The following GGT7 variants were observed in gnomAD, a reference collection of about 807,000 sequenced individuals.
GGT7 encodes the protein gamma-glutamyltransferase 7.
A neutral mutation model predicts 69.2 loss-of-function variants in GGT7; 30 were observed. The observed-to-expected ratio is 0.43, with a 90% CI of 0.32 to 0.59. The LOEUF (loss-of-function observed/expected upper bound fraction) is 0.59. Among genes scored for constraint, GGT7 ranks in the 20% least tolerant of loss-of-function variants. GGT7 has a pLI of 0.05. For synonymous variants in GGT7, 388 were observed against 391.8 expected (o/e 0.99, Z 0.12); for missense variants, 733 against 901.1 (o/e 0.81, Z 2.39).
At chr20:34,856,973 A>G (rs1278822295) in intron 7 of GGT7, 80 bp from the exon 8 acceptor site, 12 of 858,104 alleles carry the variant, frequency 1.4e-5, no homozygotes, top group Admixed American at 9.7e-5. Context: ...TGGATCACAG[A>G]CAGATCAGCT....
chr20:34,855,814 T>TGA (rs147295104), intron 8 of GGT7, among the ~76,000 whole-genome samples: 90 of 144,540 alleles, frequency 6.2e-4, no homozygotes, highest in East Asian at 1.2e-3. Flanking sequence ...TGTGTGTGTG[T>TGA]GATAATGGTC....
chr20:34,859,856 G>A, intron 6 of GGT7, 113 bp downstream of exon 6: 2 of 859,148 alleles, frequency 2.3e-6, no homozygotes, highest in South Asian at 3.1e-5. Flanking sequence ...TGGGGAGGGG[G>A]TCTGAGGAGC....
chr20:34,871,310 G>C (rs555470954), intron 1 of GGT7, among the ~76,000 whole-genome samples: 1 of 152,304 alleles, frequency 6.6e-6, no homozygotes, highest in South Asian at 2.1e-4. Flanking sequence ...GCCCAGGACA[G>C]GGTAGGTGTG....
rs371682209 is a variant in GGT7, at chr20:34,858,997, C to T, written c.1014+446G>A. Among the ~76,000 whole-genome samples the T allele has an allele frequency of 2.0e-5, 3 of 152,140 alleles. No individual in the cohort carries two copies. The East Asian group carries it at 5.8e-4, about 29-fold the overall frequency. ...ACCAGCCTGGCCAACATGGTGAAACCTCATCTCTACTAAAAATACAAAATT... is the reference window on the plus strand; with the variant it reads ...ACCAGCCTGGCCAACATGGTGAAACTTCATCTCTACTAAAAATACAAAATT... On this transcript the variant is annotated intron_variant, in intron 7 of 14. Coordinates refer to ENST00000336431, the MANE Select transcript of GGT7 (RefSeq NM_178026.3).
chr20:34,850,922 G>A (rs779211943), intron 13 of GGT7: 9 of 655,408 alleles, frequency 1.4e-5, no homozygotes, highest in Non-Finnish European at 2.0e-5. Flanking sequence ...CAGATGCTGG[G>A]TAGAGGTATA....
At chr20:34,871,282 C>G (rs533722687) in intron 1 of GGT7, among the ~76,000 whole-genome samples, 1 of 152,114 alleles carries the variant, frequency 6.6e-6, no homozygotes, top group African/African-American at 2.4e-5. Flanking sequence ...CTCTGTTGAG[C>G]TGGAAGAGGA....
At chr20:34,859,097 G>A (rs2079540093) in intron 7 of GGT7, among the ~76,000 whole-genome samples, 1 of 152,006 alleles carries the variant, frequency 6.6e-6, no homozygotes, top group African/African-American at 2.4e-5. Context: ...TTGAACCTGG[G>A]AGGCGGAGGT....
chr20:34,848,623 G>A (rs1568927739), intron 14 of GGT7, among the ~76,000 whole-genome samples: 3 of 152,194 alleles, frequency 2.0e-5, no homozygotes, highest in African/African-American at 7.2e-5. Context: ...GTTGAAGATC[G>A]CGGTCTCTGC....
chr20:34,872,542 T>A, intron 1 of GGT7, 105 bp downstream of exon 1: 1 of 730,202 alleles, frequency 1.4e-6, no homozygotes, highest in Non-Finnish European at 2.0e-6. Context: ...TCCAAGAAGA[T>A]GGGGATGAAT....
At chr20:34,868,219 A>G (rs1274596867) in intron 1 of GGT7, among the ~76,000 whole-genome samples, 1 of 152,208 alleles carries the variant, frequency 6.6e-6, no homozygotes, top group Non-Finnish European at 1.5e-5. Flanking sequence ...CCAGGAGGTA[A>G]AGGTGACATG....
Position 34,863,315 on chromosome 20 carries a change from G to T in GGT7, c.403C>A (p.Gln135Lys). The T allele has an allele frequency of 6.2e-7, 1 of 1,605,470 alleles. No individual in the cohort carries two copies. Among genetic ancestry groups the T allele is most frequent in the South Asian group, 1.1e-5 (1 of 90,694 alleles). ...CCCTCCCCATTTGTCCCCCTCACCT[G>T]GGGGTCCCCGAAGTAGATCTGCATG... ...LVMQIYFGDP[Q>K]IFQQGAVVTD... Residue 135 changes from glutamine to lysine, a missense_variant and splice_region_variant, in exon 2 of 15, where the codon CAG becomes AAG. Coordinates refer to ENST00000336431, the MANE Select transcript of GGT7 (RefSeq NM_178026.3). This position sits in a 1 kb window ranked among gnomAD's most constrained non-coding sequence, Gnocchi z 4.4.
intron 12 of GGT7, among the ~76,000 whole-genome samples, 200 bp downstream of exon 12, chr20:34,851,955 C>A (rs1280306973): frequency 6.6e-6 from 1 of 152,250 alleles, no homozygotes; most frequent in Admixed American, 6.5e-5. Context: ...AAGACAGTGA[C>A]AGAATGGGAC....
chr20:34,852,321 A>C, intron 11 of GGT7, 49 bp from the exon 12 acceptor site: 1 of 1,549,836 alleles, frequency 6.5e-7, no homozygotes, highest in Non-Finnish European at 8.9e-7. Flanking sequence ...CCTCACCTCT[A>C]CCCAGCCCCC....
chr20:34,863,220 C>T lies in GGT7; in HGVS notation c.405+93G>A. On this transcript the variant is annotated intron_variant, in intron 2 of 14. Transcript: ENST00000336431. The surrounding 1 kb of genome is among the most constrained non-coding windows in gnomAD (Gnocchi z 4.4). The stretch of plus-strand genomic sequence containing the variant: ...AGTCACCACCCTCTCTCCCCTTCTA[C>T]CACTCAGCCATTCCCCAGTTTCCAC... 1 of 995,528 alleles carries T rather than the reference C, an allele frequency of 1.0e-6. No homozygotes were observed. Among genetic ancestry groups the T allele is most frequent in the South Asian group, 1.6e-5 (1 of 63,786 alleles). The allele number at this position is 995,528 out of a possible 1,614,324, so 61.7% of individuals were successfully genotyped here.
intron 12 of GGT7, 50 bp downstream of exon 12, chr20:34,852,105 C>T: frequency 9.1e-7 from 1 of 1,093,236 alleles, no homozygotes; most frequent in Non-Finnish European, 1.4e-6. Flanking sequence ...CATTGCACCT[C>T]CTACCTATAG....
At chr20:34,865,008 A>AACAGGGTTT (rs1435339002) in intron 1 of GGT7, among the ~76,000 whole-genome samples, 1 of 151,932 alleles carries the variant, frequency 6.6e-6, no homozygotes, top group African/African-American at 2.4e-5. Flanking sequence ...TTTTAGTAGA[A>AACAGGGTTT]ACAGGGTTTC....
chr20:34,856,754 G>T, intron 8 of GGT7, 52 bp downstream of exon 8: 2 of 1,012,984 alleles, frequency 2.0e-6, no homozygotes, highest in Admixed American at 1.9e-5. Flanking sequence ...TGTGGCCATG[G>T]ACTGGGAGGC....
Position 34,854,900 on chromosome 20 carries a change from G to T in GGT7, c.1126C>A (p.Pro376Thr). ...ATGAGGGCAGGGCCCGTGTGCGGAGGTGGGGGACTAAGAACCAGGTGGCCT... is the reference window on the plus strand; with the variant it reads ...ATGAGGGCAGGGCCCGTGTGCGGAGTTGGGGGACTAAGAACCAGGTGGCCT... ...YRGHLVLSPP[P>T]PHTGPALISA... The change falls in exon 9 of 15, where the codon CCT (proline) becomes ACT (threonine). Residue 376 changes from proline to threonine, a missense_variant. Coordinates refer to ENST00000336431, the MANE Select transcript of GGT7 (RefSeq NM_178026.3). 6.2e-7 allele frequency: 1 copy of T among 1,613,916 alleles called. No homozygotes were observed. Among genetic ancestry groups the T allele is most frequent in the Non-Finnish European group, 8.5e-7 (1 of 1,179,934 alleles).
chr20:34,849,354 G>C (rs143914617), intron 14 of GGT7, among the ~76,000 whole-genome samples: 7 of 151,094 alleles, frequency 4.6e-5, no homozygotes, highest in South Asian at 4.2e-4. Context: ...ATAGAGACGG[G>C]GGGGTGGAGG....
Sources: allele counts gnomAD v4.1 joint callset (sites outside exome capture counted in the v4.1 genomes callset), GRCh38; gene constraint gnomAD v4.1.1; non-coding constraint Gnocchi (gnomAD v3.1); transcripts MANE v1.5; gene names NCBI Gene and HGNC (gene_info 2026-07-23, HGNC 2026-07-21).